Variants in NMNAT2 observed in about 807,000 individuals in gnomAD.
The protein encoded by NMNAT2 is nicotinamide/nicotinic acid mononucleotide adenylyltransferase 2.
In NMNAT2, 11 loss-of-function variants were observed where a neutral mutation model predicts 41.6. That is an observed-to-expected ratio of 0.26 (90% CI 0.17 to 0.44). The LOEUF (loss-of-function observed/expected upper bound fraction) is 0.44. NMNAT2 is among the 20% of genes least tolerant of loss of function. NMNAT2 has a pLI of 1.00. For synonymous variants in NMNAT2, 148 were observed against 151.2 expected, an observed-to-expected ratio of 0.98 and a Z score of 0.16; for missense variants, 288 against 407.7, an observed-to-expected ratio of 0.71 and a Z score of 2.53.
chr1:183,321,664 C>T (rs1195393860), intron 1 of NMNAT2, among the ~76,000 whole-genome samples: 2 of 151,840 alleles, frequency 1.3e-5, no homozygotes, highest in African/African-American at 4.8e-5. Flanking sequence ...ATAGCTTGAA[C>T]CTGGGAGGTA....
chr1:183,275,298 G>A (rs1158568811), intron 8 of NMNAT2, among the ~76,000 whole-genome samples: 1 of 152,124 alleles, frequency 6.6e-6, no homozygotes, highest in Non-Finnish European at 1.5e-5. Context: ...GTCATAGACT[G>A]AGATTCACAC....
chr1:183,282,544 GAAAGAGA>G (rs1461447100), intron 7 of NMNAT2, among the ~76,000 whole-genome samples: 19 of 152,248 alleles, frequency 1.2e-4, no homozygotes, highest in African/African-American at 4.1e-4. Context: ...CTGGACTAAG[GAAAGAGA>G]AATACACTGG....
intron 1 of NMNAT2, among the ~76,000 whole-genome samples, chr1:183,413,103 C>T (rs910935124): frequency 6.6e-6 from 1 of 152,066 alleles, no homozygotes; most frequent in Non-Finnish European, 1.5e-5. Flanking sequence ...AGCTTAATGG[C>T]AGTATGGTTT....
In NMNAT2 at chr1:183,265,291, CAG is replaced by C. The variant is rs371598166; in HGVS notation, c.652-3990_652-3989del. Among the ~76,000 whole-genome samples the C allele has an allele frequency of 6.8e-3, 639 of 94,578 alleles. 10 individuals are homozygous for C. The highest frequency in any genetic ancestry group is 0.025 in the African/African-American group (602 of 23,684). The allele number at this position is 94,578 out of a possible 152,430, so 62.0% of individuals were successfully genotyped here. On this transcript the variant is annotated intron_variant, in intron 8 of 10. Coordinates refer to ENST00000287713, the MANE Select transcript of NMNAT2 (RefSeq NM_015039.4). ...TTTTTTTTTTTTTTTTTTTTTGAGA[CAG>C]AGTCTCACTGTTGCCCAGGCTGGAG...
At chr1:183,357,043 C>A (rs373395054) in intron 1 of NMNAT2, among the ~76,000 whole-genome samples, 54 of 152,064 alleles carry the variant, frequency 3.6e-4, no homozygotes, top group African/African-American at 1.3e-3. Flanking sequence ...GAATAAGACA[C>A]AACACATGTC....
chr1:183,369,518 C>G (rs550388434), intron 1 of NMNAT2, among the ~76,000 whole-genome samples: 1 of 152,144 alleles, frequency 6.6e-6, no homozygotes, highest in South Asian at 2.1e-4. Flanking sequence ...ACCTCATGAT[C>G]CACCTGCCTC....
chr1:183,404,028 T>G (rs1266244825), intron 1 of NMNAT2, among the ~76,000 whole-genome samples: 2 of 152,076 alleles, frequency 1.3e-5, no homozygotes, highest in Non-Finnish European at 2.9e-5. Flanking sequence ...CAGCTACCCA[T>G]TAGGACTGCT....
chr1:183,415,395 A>C (rs1260400858), intron 1 of NMNAT2, among the ~76,000 whole-genome samples: 1 of 152,242 alleles, frequency 6.6e-6, no homozygotes, highest in African/African-American at 2.4e-5. Context: ...TTTAGACATG[A>C]GACAAAGATC....
chr1:183,375,827 T>A (rs1287007680), intron 1 of NMNAT2, among the ~76,000 whole-genome samples: 1 of 152,220 alleles, frequency 6.6e-6, no homozygotes, highest in Non-Finnish European at 1.5e-5. Context: ...GAACACTTTC[T>A]CCTCTGTTCT....
intron 1 of NMNAT2, among the ~76,000 whole-genome samples, chr1:183,370,356 G>A (rs889400861): frequency 4.0e-5 from 6 of 151,794 alleles, no homozygotes; most frequent in Non-Finnish European, 7.4e-5. Context: ...CTAAATGTCT[G>A]CCCTTTACTG....
rs140312711 is a variant in NMNAT2, at chr1:183,360,509, G to A, written c.85+57674C>T. 3.7e-4 allele frequency among the ~76,000 whole-genome samples: 57 copies of A among 152,212 alleles called. 1 individual carries two copies. The East Asian group carries it at 0.011, about 29-fold the overall frequency. On this transcript the variant is annotated intron_variant, in intron 1 of 10. Coordinates refer to ENST00000287713, the MANE Select transcript of NMNAT2 (RefSeq NM_015039.4). ...CTCCCCTACCCATCCACGAGTCTCCGAGAGGAAGACCCCACTTGGAGGCCC... is the reference window on the plus strand; with the variant it reads ...CTCCCCTACCCATCCACGAGTCTCCAAGAGGAAGACCCCACTTGGAGGCCC...
At position 183,297,344 on chromosome 1, in the gene NMNAT2, C is replaced by A. The variant is rs567611693; in HGVS notation, c.86-3551G>T. Among the ~76,000 whole-genome samples, 3 of 151,372 alleles carry A rather than the reference C, an allele frequency of 2.0e-5. No individual in the cohort carries two copies. In the South Asian group the frequency reaches 6.3e-4, roughly 32 times the overall value. On this transcript the variant is annotated intron_variant, in intron 1 of 10. Transcript: ENST00000287713. Reference sequence around the variant, plus strand: ...TCCACATAAAGAACTAAAACCAAGTCTACATAAACTCTTCTAGAAAGTAGA... The same window carrying A: ...TCCACATAAAGAACTAAAACCAAGTATACATAAACTCTTCTAGAAAGTAGA...
At chr1:183,255,563 T>A (rs1174268856) in intron 10 of NMNAT2, among the ~76,000 whole-genome samples, 1 of 152,208 alleles carries the variant, frequency 6.6e-6, no homozygotes, top group Non-Finnish European at 1.5e-5. Context: ...ATGAAATACT[T>A]TTCATTTATT....
At chr1:183,403,062 T>C (rs1648858126) in intron 1 of NMNAT2, among the ~76,000 whole-genome samples, 1 of 151,892 alleles carries the variant, frequency 6.6e-6, no homozygotes, top group Non-Finnish European at 1.5e-5. Flanking sequence ...GCCTCCTGAA[T>C]AGCTGGGATT....
chr1:183,279,442 C>A (rs1661205391), intron 7 of NMNAT2, among the ~76,000 whole-genome samples: 1 of 152,192 alleles, frequency 6.6e-6, no homozygotes, highest in Non-Finnish European at 1.5e-5. Flanking sequence ...CGTTCCAGGC[C>A]CTCTCATCAA....
chr1:183,331,128 A>C (rs551939790), intron 1 of NMNAT2, among the ~76,000 whole-genome samples: 2 of 151,670 alleles, frequency 1.3e-5, no homozygotes, highest in African/African-American at 4.8e-5. Context: ...TGCAAATGAA[A>C]CCCCTCACTG....
intron 1 of NMNAT2, among the ~76,000 whole-genome samples, chr1:183,306,527 C>T (rs1398649347): frequency 2.0e-5 from 3 of 152,184 alleles, no homozygotes; most frequent in African/African-American, 4.8e-5. Flanking sequence ...ACCACTCATG[C>T]ACTGAACCAA....
chr1:183,314,742 G>A lies in NMNAT2; in HGVS notation c.86-20949C>T, dbSNP rs566610947. Among the ~76,000 whole-genome samples the A allele has an allele frequency of 3.9e-5, 6 of 152,326 alleles. No homozygotes were observed. The South Asian group carries it at 1.2e-3, about 32-fold the overall frequency. Reference sequence around the variant, plus strand: ...TTAAAGATAATAATTCACTGGACATGGTGGCTCATACGTATAATCTCAGCT... The same window carrying A: ...TTAAAGATAATAATTCACTGGACATAGTGGCTCATACGTATAATCTCAGCT... On this transcript the variant is annotated intron_variant, in intron 1 of 10. Transcript: ENST00000287713.
intron 1 of NMNAT2, among the ~76,000 whole-genome samples, chr1:183,373,582 G>C (rs1033987050): frequency 2.0e-5 from 3 of 151,638 alleles, no homozygotes; most frequent in Non-Finnish European, 4.4e-5. Context: ...TTATTCTAAA[G>C]CTTCTGCCAC....
Sources: allele counts gnomAD v4.1 joint callset (sites outside exome capture counted in the v4.1 genomes callset), GRCh38; gene constraint gnomAD v4.1.1; transcripts MANE v1.5; gene names NCBI Gene and HGNC (gene_info 2026-07-23, HGNC 2026-07-21).